The following VTI1B variants were observed in gnomAD, a reference collection of about 807,000 sequenced individuals.
VTI1B encodes the protein vesicle transport through interaction with t-SNAREs homolog 1B.
VTI1B carries 18 observed loss-of-function variants against 28.6 expected under a neutral mutation model. The ratio of observed to expected loss-of-function variants is 0.63; its 90% CI spans 0.43 to 0.93. The LOEUF is 0.93. VTI1B is among the 40% of genes least tolerant of loss of function. The probability of loss-of-function intolerance (pLI) is 0.00; values close to 1 mark genes in which losing one functional copy is unlikely to be tolerated. For missense variants in VTI1B, 283 were observed against 297.0 expected (o/e 0.95, Z 0.35); for synonymous variants, 100 against 107.9 (o/e 0.93, Z 0.46).
intron 5 of VTI1B, 60 bp downstream of exon 5, chr14:67,653,377 A>C: frequency 1.3e-6 from 2 of 1,482,886 alleles, no homozygotes; most frequent in South Asian, 2.3e-5. Context: ...TCACTATTTT[A>C]AGCTTTTTGG....
At chr14:67,651,720 ATGT>A in intron 5 of VTI1B, 4 of 364,582 alleles carry the variant, frequency 1.1e-5, no homozygotes, top group Non-Finnish European at 1.0e-5. Context: ...GGATTCTGAA[ATGT>A]TGTTCAAATA....
intron 2 of VTI1B, among the ~76,000 whole-genome samples, chr14:67,662,188 A>AAC (rs1206228727): frequency 6.6e-6 from 1 of 152,072 alleles, no homozygotes; most frequent in African/African-American, 2.4e-5. Context: ...ACAAAAAAAA[A>AAC]AACAACAGAT....
rs762251677 is a variant in VTI1B at position 67,659,726 on chromosome 14, C to G, written c.366+5G>C. ...AAAAAAACAAACAAAACAGCTAAAACTTACCATATGCTCATTCTCTACAGC... is the reference window on the plus strand; with the variant it reads ...AAAAAAACAAACAAAACAGCTAAAAGTTACCATATGCTCATTCTCTACAGC... On this transcript the variant is annotated splice_donor_5th_base_variant and intron_variant, in intron 3 of 5. Coordinates refer to ENST00000554659, the MANE Select transcript of VTI1B (RefSeq NM_006370.3). The G allele has an allele frequency of 2.5e-6, 4 of 1,585,340 alleles. No individual in the cohort carries two copies. In the East Asian group the frequency reaches 6.7e-5, roughly 27 times the overall value.
rs914275570 is a variant in VTI1B, at chr14:67,659,753, T to C, written c.344A>G (p.Tyr115Cys). ...TACCATATGCTCATTCTCTACAGCATATATGCCATATTTCATGTCTCCTCG... is the reference window on the plus strand; with the variant it reads ...TACCATATGCTCATTCTCTACAGCACATATGCCATATTTCATGTCTCCTCG... ...GGRGDMKYGI[Y>C]AVENEHMNRL... The change falls in exon 3 of 6, where the codon TAT becomes TGT. Residue 115 changes from tyrosine to cysteine, a missense_variant. Physicochemically the swap from Tyr to Cys is radical, Grantham distance 194. Transcript: ENST00000554659. The C allele has an allele frequency of 1.2e-6, 2 of 1,613,316 alleles. No individual in the cohort carries two copies. Among genetic ancestry groups the C allele is most frequent in the South Asian group, 1.1e-5 (1 of 91,016 alleles).
chr14:67,663,332 T>A, intron 1 of VTI1B: 1 of 622,966 alleles, frequency 1.6e-6, no homozygotes, highest in Non-Finnish European at 2.7e-6. Flanking sequence ...TAAATAACAT[T>A]GTTTTAAATA....
At position 67,656,581 on chromosome 14, in the gene VTI1B, T is replaced by C; in HGVS notation, c.375A>G (p.Leu125=). ...YAVENEHMNR[L]QSQRAMLLQG... ...GCAGAAGCATTGCCCTTTGAGACTG[T>C]AGCCGATTCTGAAAGAAGTATGGAA... The change falls in exon 4 of 6, where the codon CTA becomes CTG. Residue 125 remains leucine (L), a synonymous_variant. Coordinates refer to ENST00000554659, the MANE Select transcript of VTI1B (RefSeq NM_006370.3). The C allele has an allele frequency of 1.9e-6, 3 of 1,600,572 alleles. No individual in the cohort carries two copies. Among genetic ancestry groups the C allele is most frequent in the South Asian group, 1.1e-5 (1 of 89,422 alleles).
intron 1 of VTI1B, among the ~76,000 whole-genome samples, chr14:67,671,110 T>C (rs1339499032): frequency 1.3e-5 from 2 of 152,248 alleles, no homozygotes; most frequent in Non-Finnish European, 2.9e-5. Context: ...CAAACATTTA[T>C]TGAGCAGTGT....
intron 3 of VTI1B, chr14:67,656,969 T>A: frequency 6.2e-6 from 1 of 160,152 alleles, no homozygotes; most frequent in Non-Finnish European, 1.4e-5. Flanking sequence ...GCATATAGCC[T>A]GTAACTTCGA....
rs1566820661 is a variant in VTI1B at position 67,674,403 on chromosome 14, G to A, written c.87C>T (p.Pro29=). ...TCCCCGCCGTCCCCAGCAGCCGCTCGGGCACCCCTTGTAGGTCTTCATGGA... is the reference window on the plus strand; with the variant it reads ...TCCCCGCCGTCCCCAGCAGCCGCTCAGGCACCCCTTGTAGGTCTTCATGGA... ...RGLHEDLQGV[P]ERLLGTAGTE... Residue 29 remains proline, a synonymous_variant, in exon 1 of 6, where the codon CCC becomes CCT. Coordinates refer to ENST00000554659, the MANE Select transcript of VTI1B (RefSeq NM_006370.3). 1.2e-6 allele frequency: 2 copies of A among 1,603,454 alleles called. No individual in the cohort carries two copies. The highest frequency in any genetic ancestry group is 8.5e-7 in the Non-Finnish European group (1 of 1,176,352).
In VTI1B at chr14:67,662,522, TTTC is replaced by T. The variant is rs2037350492; in HGVS notation, c.126_128del (p.Lys43del). On this transcript the variant is annotated inframe_deletion, in exon 2 of 6. Transcript: ENST00000554659. ...GCTTTTCATCAAAATCCCTGATCAATTTCTTCTTTTCTTCTAGAAAAGATAGAT... is the reference window on the plus strand; with the variant it reads ...GCTTTTCATCAAAATCCCTGATCAATTTCTTTTCTTCTAGAAAAGATAGAT... 3.1e-6 allele frequency: 5 copies of T among 1,610,894 alleles called. No homozygotes were observed. Among genetic ancestry groups the T allele is most frequent in the South Asian group, 1.1e-5 (1 of 90,600 alleles).
chr14:67,652,886 C>G (rs369275938), intron 5 of VTI1B, among the ~76,000 whole-genome samples: 1 of 152,148 alleles, frequency 6.6e-6, no homozygotes, highest in Admixed American at 6.5e-5. Flanking sequence ...CTCCACCCCC[C>G]AGGTTCAAGC....
intron 1 of VTI1B, among the ~76,000 whole-genome samples, chr14:67,666,751 T>C (rs550872477): frequency 2.8e-4 from 42 of 152,272 alleles, no homozygotes; most frequent in Middle Eastern, 6.8e-3. Context: ...TGCCCCACAG[T>C]CATTGGAACA....
At chr14:67,663,123 T>C (rs1594838950) in intron 1 of VTI1B, 1 of 1,526,824 alleles carries the variant, frequency 6.5e-7, no homozygotes, top group Non-Finnish European at 8.7e-7. Flanking sequence ...TTCATTCCCC[T>C]TTCAGCCTTT....
intron 5 of VTI1B, chr14:67,652,584 A>G (rs1309920844): frequency 6.6e-6 from 1 of 152,288 alleles, no homozygotes; most frequent in Non-Finnish European, 1.5e-5. Context: ...TCCTCTGGGC[A>G]ACCTGACAGT....
At chr14:67,658,669 G>A (rs1475605281) in intron 3 of VTI1B, among the ~76,000 whole-genome samples, 2 of 152,180 alleles carry the variant, frequency 1.3e-5, no homozygotes, top group East Asian at 3.9e-4. Flanking sequence ...CCCAACTTTG[G>A]CAACATGACT....
chr14:67,672,449 T>TTC (rs1359133089), intron 1 of VTI1B, among the ~76,000 whole-genome samples: 3 of 111,914 alleles, frequency 2.7e-5, no homozygotes, highest in Admixed American at 1.8e-4. Context: ...TTTCTTTTCT[T>TTC]TTTTTTTTTT....
At chr14:67,674,278 G>A (rs1289832169) in intron 1 of VTI1B, 97 bp downstream of exon 1, 3 of 1,156,052 alleles carry the variant, frequency 2.6e-6, no homozygotes, top group African/African-American at 3.2e-5. Context: ...CGCGGAGGGA[G>A]GAGACGCGGG....
intron 1 of VTI1B, 90 bp from the exon 2 acceptor site, chr14:67,662,625 G>GCATGAGCCAC: frequency 8.4e-7 from 1 of 1,185,462 alleles, no homozygotes; most frequent in Non-Finnish European, 1.2e-6. Context: ...GCTTCCTATG[G>GCATGAGCCAC]CAGGGCCTGG....
Position 67,674,559 on chromosome 14 carries a change from A to C in VTI1B, c.-70T>G, listed in dbSNP as rs2037510775. On this transcript the variant is annotated 5_prime_UTR_variant, in exon 1 of 6. It removes the in-frame stop codon of an upstream open reading frame in the 5' UTR. Coordinates refer to ENST00000554659, the MANE Select transcript of VTI1B (RefSeq NM_006370.3). ...TGGGCCCTTTCCTAGCCCGGCGGTC[A>C]GCCGCCCAGCCCAGTGGCCATAACG... 5.8e-6 allele frequency: 8 copies of C among 1,391,258 alleles called. No individual in the cohort carries two copies. The South Asian group carries it at 9.7e-5, about 17-fold the overall frequency. 86.2% of individuals were successfully genotyped at this position (1,391,258 alleles called of 1,614,324 possible).
Sources: allele counts gnomAD v4.1 joint callset (sites outside exome capture counted in the v4.1 genomes callset), GRCh38; gene constraint gnomAD v4.1.1; transcripts MANE v1.5; gene names NCBI Gene and HGNC (gene_info 2026-07-23, HGNC 2026-07-21).